The following OR1J2 variants were observed in gnomAD, a reference collection of about 807,000 sequenced individuals.
OR1J2 encodes olfactory receptor family 1 subfamily J member 2.
For missense variants in OR1J2, 304 were observed against 246.1 expected, an observed-to-expected ratio of 1.24 and a Z score of -1.57; for synonymous variants, 142 against 99.7, an observed-to-expected ratio of 1.42 and a Z score of -2.52.
At chr9:122,522,063 G>A in the OR1J2 span, among the ~76,000 whole-genome samples, 2 of 152,212 alleles carry the variant, frequency 1.3e-5, no homozygotes, top group Admixed American at 6.5e-5. Flanking sequence ...TATGCAAATA[G>A]AACTGAACAT....
the OR1J2 span, chr9:122,553,501 A>G: frequency 1.2e-6 from 2 of 1,614,034 alleles, no homozygotes; most frequent in Non-Finnish European, 1.7e-6. Flanking sequence ...ATCATCTCGT[A>G]TTCTGGGTGT....
chr9:122,486,923 A>G, the OR1J2 span, among the ~76,000 whole-genome samples: 1 of 152,180 alleles, frequency 6.6e-6, no homozygotes, highest in East Asian at 1.9e-4. Context: ...GCATAGATGT[A>G]TTGCTTCAGT....
chr9:122,566,440 T>C, the OR1J2 span, among the ~76,000 whole-genome samples: 88,360 of 151,986 alleles, frequency 0.58, 26,211 homozygotes, highest in East Asian at 0.98. Flanking sequence ...CATTCATATT[T>C]ATATAATGTT....
chr9:122,515,745 G>A (rs1828691778), downstream of OR1J2, among the ~76,000 whole-genome samples: 1 of 152,154 alleles, frequency 6.6e-6, no homozygotes, highest in South Asian at 2.1e-4. Context: ...GACATGTTTA[G>A]CTAGAGAGCT....
At chr9:122,478,838 G>C in the OR1J2 span, among the ~76,000 whole-genome samples, 1 of 152,136 alleles carries the variant, frequency 6.6e-6, no homozygotes, top group Non-Finnish European at 1.5e-5. Context: ...GGAGTGCAGT[G>C]GTGAGATCTC....
chr9:122,452,169 C>T, the OR1J2 span, among the ~76,000 whole-genome samples: 1,642 of 152,160 alleles, frequency 0.011, 33 homozygotes, highest in African/African-American at 0.038. Flanking sequence ...TGAGTCACCG[C>T]GCCCAGCCCA....
chr9:122,476,831 G>A, the OR1J2 span: 42 of 586,090 alleles, frequency 7.2e-5, no homozygotes, highest in South Asian at 1.2e-4. Flanking sequence ...TCAGTCTCCC[G>A]AGTAGCTGGG....
At chr9:122,576,388 A>ATTTTTTT in the OR1J2 span, among the ~76,000 whole-genome samples, 1 of 138,610 alleles carries the variant, frequency 7.2e-6, no homozygotes. Flanking sequence ...CGCCCAGCTA[A>ATTTTTTT]TTTTTTTTTT....
At chr9:122,532,201 G>C in the OR1J2 span, among the ~76,000 whole-genome samples, 1 of 149,160 alleles carries the variant, frequency 6.7e-6, no homozygotes, top group Non-Finnish European at 1.5e-5. Flanking sequence ...GTAGGGAAGG[G>C]AAGGGGCCTG....
downstream of OR1J2, among the ~76,000 whole-genome samples, chr9:122,512,897 A>C (rs575570113): frequency 1.4e-4 from 22 of 152,196 alleles, no homozygotes; most frequent in Non-Finnish European, 2.6e-4. Flanking sequence ...CGTGAGCTAT[A>C]ATAACTCTAA....
the OR1J2 span, among the ~76,000 whole-genome samples, chr9:122,503,603 C>G: frequency 6.6e-6 from 1 of 152,198 alleles, no homozygotes; most frequent in Non-Finnish European, 1.5e-5. Context: ...AGTGGATGCT[C>G]TCTGGTAGGC....
chr9:122,501,249 A>G, the OR1J2 span, among the ~76,000 whole-genome samples: 2 of 152,166 alleles, frequency 1.3e-5, no homozygotes, highest in Non-Finnish European at 2.9e-5. Flanking sequence ...GTTGAATTTC[A>G]TAGGAAAGAC....
chr9:122,575,069 A>C, the OR1J2 span, among the ~76,000 whole-genome samples: 1 of 152,038 alleles, frequency 6.6e-6, no homozygotes, highest in South Asian at 2.1e-4. Context: ...TGATGTATAA[A>C]TCTTTTTATA....
chr9:122,567,405 T>C, the OR1J2 span: 15 of 577,294 alleles, frequency 2.6e-5, no homozygotes, highest in South Asian at 3.8e-4. Flanking sequence ...TCATCATCAA[T>C]GGATGTAAGT....
chr9:122,514,290 C>T (rs1207030375), downstream of OR1J2, among the ~76,000 whole-genome samples: 2 of 152,118 alleles, frequency 1.3e-5, no homozygotes, highest in African/African-American at 2.4e-5. Context: ...CAACCTTTCT[C>T]TAGTAGTCTT....
At chr9:122,558,776 T>C in the OR1J2 span, among the ~76,000 whole-genome samples, 1 of 151,886 alleles carries the variant, frequency 6.6e-6, no homozygotes, top group African/African-American at 2.4e-5. Flanking sequence ...TTGTAGTTGA[T>C]TTTGATATTC....
the OR1J2 span, among the ~76,000 whole-genome samples, chr9:122,462,424 G>A: frequency 1.3e-5 from 2 of 152,166 alleles, no homozygotes; most frequent in Non-Finnish European, 2.9e-5. Flanking sequence ...TTCAACATTA[G>A]TATTGAGATG....
the OR1J2 span, among the ~76,000 whole-genome samples, chr9:122,544,027 T>C: frequency 6.6e-6 from 1 of 152,194 alleles, no homozygotes; most frequent in African/African-American, 2.4e-5. Context: ...GTGGCAGCTA[T>C]TTCCTTTTTG....
At chr9:122,493,671 G>C in the OR1J2 span, among the ~76,000 whole-genome samples, 2 of 151,800 alleles carry the variant, frequency 1.3e-5, no homozygotes, top group South Asian at 4.1e-4. Context: ...TTTATCTTTT[G>C]TATTGTTTTT....
Sources: allele counts gnomAD v4.1 joint callset (sites outside exome capture counted in the v4.1 genomes callset), GRCh38; gene constraint gnomAD v4.1.1; transcripts MANE v1.5; gene names NCBI Gene and HGNC (gene_info 2026-07-23, HGNC 2026-07-21).